Variants in DYNLRB1 observed in about 807,000 individuals in gnomAD.
The protein encoded by DYNLRB1 is dynein light chain roadblock-type 1, also known as ROBL/LC7-like 1.
A neutral mutation model predicts 13.5 loss-of-function variants in DYNLRB1; 6 were observed. The observed-to-expected ratio is 0.44, with a 90% confidence interval of 0.24 to 0.88. The LOEUF (loss-of-function observed/expected upper bound fraction) is 0.88. DYNLRB1 is among the 40% of genes least tolerant of loss of function. The pLI, the probability that DYNLRB1 is intolerant of heterozygous loss-of-function variation, is 0.21. For missense variants in DYNLRB1, 93 were observed against 127.2 expected, an observed-to-expected ratio of 0.73 and a Z score of 1.29; for synonymous variants, 43 against 45.0, an observed-to-expected ratio of 0.96 and a Z score of 0.18.
intron 1 of DYNLRB1, among the ~76,000 whole-genome samples, chr20:34,518,511 T>C (rs1265445594): frequency 1.3e-5 from 2 of 152,068 alleles, no homozygotes; most frequent in East Asian, 3.9e-4. Context: ...TAGTTTCTTT[T>C]TTTTTTTTTC....
At chr20:34,523,074 G>C (rs1053840568) in intron 1 of DYNLRB1, among the ~76,000 whole-genome samples, 12 of 152,164 alleles carry the variant, frequency 7.9e-5, no homozygotes, top group Admixed American at 1.3e-4. Flanking sequence ...CTGCATTGTG[G>C]TCAGTGCTGC....
chr20:34,538,411 T>C (rs1408174926), intron 3 of DYNLRB1, among the ~76,000 whole-genome samples: 1 of 151,960 alleles, frequency 6.6e-6, no homozygotes, highest in Non-Finnish European at 1.5e-5. Context: ...CACTCCAGCC[T>C]GGGCAACAGC....
chr20:34,534,853 C>T (rs1981016548), intron 3 of DYNLRB1, 58 bp downstream of exon 3: 3 of 1,611,690 alleles, frequency 1.9e-6, no homozygotes, highest in Non-Finnish European at 2.5e-6. Flanking sequence ...TTCTCTGTGG[C>T]TCATCAGGAG....
At chr20:34,528,413 C>T (rs1980431043) in intron 2 of DYNLRB1, among the ~76,000 whole-genome samples, 1 of 150,372 alleles carries the variant, frequency 6.7e-6, no homozygotes, top group African/African-American at 2.5e-5. Flanking sequence ...GAGGAGTCCA[C>T]TGAGACACTG....
chr20:34,526,474 C>A, intron 2 of DYNLRB1, 131 bp downstream of exon 2: 1 of 670,402 alleles, frequency 1.5e-6, no homozygotes, highest in Non-Finnish European at 2.4e-6. Context: ...ATTTTTAACA[C>A]CTCCAGTGTT....
chr20:34,535,876 G>C, intron 3 of DYNLRB1: 3 of 985,316 alleles, frequency 3.0e-6, no homozygotes, highest in African/African-American at 1.7e-5. Context: ...GGAAGGCAGT[G>C]GGGGGTCTGG....
intron 1 of DYNLRB1, among the ~76,000 whole-genome samples, chr20:34,519,702 C>T (rs1979557879): frequency 6.6e-6 from 1 of 152,116 alleles, no homozygotes; most frequent in African/African-American, 2.4e-5. Flanking sequence ...TTATTCCAGA[C>T]ACTGCTGCAG....
chr20:34,515,968 C>A (rs1358111027), upstream of DYNLRB1, among the ~76,000 whole-genome samples: 1 of 152,178 alleles, frequency 6.6e-6, no homozygotes, highest in East Asian at 1.9e-4. Context: ...AATCTCGGCT[C>A]ACTGCAGCCT....
At chr20:34,519,829 T>A (rs1979565534) in intron 1 of DYNLRB1, among the ~76,000 whole-genome samples, 1 of 152,196 alleles carries the variant, frequency 6.6e-6, no homozygotes, top group East Asian at 1.9e-4. Flanking sequence ...TTTAGAATAA[T>A]GATATAAAAA....
At chr20:34,528,799 C>T (rs994350810) in intron 2 of DYNLRB1, among the ~76,000 whole-genome samples, 5 of 151,714 alleles carry the variant, frequency 3.3e-5, no homozygotes, top group African/African-American at 7.3e-5. Context: ...AGTGAGACCC[C>T]GAACTCCACA....
At chr20:34,536,272 C>G in intron 3 of DYNLRB1, 1 of 985,436 alleles carries the variant, frequency 1.0e-6, no homozygotes, top group Non-Finnish European at 1.2e-6. Context: ...AGAACACCTG[C>G]AAATCCACAT....
chr20:34,529,169 C>T (rs1404295261), intron 2 of DYNLRB1, among the ~76,000 whole-genome samples: 41 of 152,124 alleles, frequency 2.7e-4, no homozygotes, highest in South Asian at 2.1e-4. Flanking sequence ...TTGGCTGCCT[C>T]GTAGGGTAGA....
chr20:34,530,349 T>C (rs1227041364), intron 2 of DYNLRB1: 4 of 949,772 alleles, frequency 4.2e-6, no homozygotes, highest in Admixed American at 6.1e-5. Flanking sequence ...TTATCAGCTA[T>C]GTGGTTTTGG....
chr20:34,522,198 TGTG>T (rs1439060490), intron 1 of DYNLRB1, among the ~76,000 whole-genome samples: 1 of 152,130 alleles, frequency 6.6e-6, no homozygotes. Flanking sequence ...CCTCCTCAGT[TGTG>T]GTCACCAGTA....
At chr20:34,517,659 G>C (rs1350253620) in intron 1 of DYNLRB1, among the ~76,000 whole-genome samples, 1 of 127,240 alleles carries the variant, frequency 7.9e-6, no homozygotes, top group African/African-American at 2.9e-5. Context: ...GATGGAGTGT[G>C]TCTCTGTCGC....
chr20:34,518,733 C>T (rs979613233), intron 1 of DYNLRB1, among the ~76,000 whole-genome samples: 2 of 151,834 alleles, frequency 1.3e-5, no homozygotes, highest in Admixed American at 6.6e-5. Flanking sequence ...GGATTACAGG[C>T]GTGAGCCACC....
At chr20:34,537,679 C>T (rs1446119030) in intron 3 of DYNLRB1, among the ~76,000 whole-genome samples, 1 of 152,154 alleles carries the variant, frequency 6.6e-6, no homozygotes, top group Non-Finnish European at 1.5e-5. Context: ...GAGGCCCTGG[C>T]GCTGAATTGC....
At chr20:34,537,980 A>T (rs1981285220) in intron 3 of DYNLRB1, among the ~76,000 whole-genome samples, 1 of 105,462 alleles carries the variant, frequency 9.5e-6, no homozygotes, top group African/African-American at 3.5e-5. Context: ...GCCCACGTGA[A>T]CAGGCTTTTT....
At chr20:34,529,938 A>T (rs1030305170) in intron 2 of DYNLRB1, 1 of 1,452,536 alleles carries the variant, frequency 6.9e-7, no homozygotes, top group South Asian at 1.4e-5. Flanking sequence ...GCCTGAGGCA[A>T]CTCCTTTCCC....
Sources: gnomAD v4.1 joint callset for allele counts (sites outside exome capture counted in the v4.1 genomes callset) on GRCh38, gnomAD v4.1.1 for gene constraint, MANE v1.5 for transcripts, NCBI Gene and HGNC (gene_info 2026-07-23, HGNC 2026-07-21) for gene names.